Variants in SH3D19 observed in about 807,000 individuals in gnomAD.
SH3D19 encodes SH3 domain containing 19, also known as SH3 domain-containing protein 19.
Under a neutral mutation model 112.1 loss-of-function variants are expected in SH3D19, and 58 were observed. That is an observed-to-expected ratio of 0.52 (90% CI 0.42 to 0.64). SH3D19 has a LOEUF of 0.64. Ranked by LOEUF, SH3D19 falls within the 30% of genes least tolerant of loss-of-function variation. SH3D19 has a pLI of 0.00. For synonymous variants in SH3D19, 391 were observed against 448.5 expected (o/e 0.87, Z 1.62); for missense variants, 1,090 against 1,263.4 (o/e 0.86, Z 2.08).
chr4:151,278,943 C>G (rs1466481774), intron 1 of SH3D19: 3 of 201,390 alleles, frequency 1.5e-5, no homozygotes, highest in African/African-American at 7.0e-5. Flanking sequence ...AATCTTACCA[C>G]TTTCATTTGT....
intron 1 of SH3D19, among the ~76,000 whole-genome samples, chr4:151,230,096 G>C (rs867992443): frequency 8.5e-5 from 13 of 152,184 alleles, no homozygotes; most frequent in Admixed American, 5.2e-4. Flanking sequence ...TTCTGTGTAA[G>C]AACTCCAGAT....
At chr4:151,224,263 T>C (rs898510650) in intron 2 of SH3D19, among the ~76,000 whole-genome samples, 2 of 152,046 alleles carry the variant, frequency 1.3e-5, no homozygotes, top group Non-Finnish European at 2.9e-5. Context: ...GAGCCGAGAT[T>C]GTGCCACTGC....
intron 9 of SH3D19, among the ~76,000 whole-genome samples, chr4:151,152,997 G>A (rs1177858249): frequency 2.6e-5 from 4 of 151,578 alleles, no homozygotes; most frequent in South Asian, 2.1e-4. Context: ...CACCACACCC[G>A]GCTAATTTTT....
At chr4:151,211,645 A>G (rs1416637069) in intron 2 of SH3D19, among the ~76,000 whole-genome samples, 1 of 152,124 alleles carries the variant, frequency 6.6e-6, no homozygotes, top group Non-Finnish European at 1.5e-5. Flanking sequence ...GAATGATAAG[A>G]AAGTGAAACA....
chr4:151,224,785 G>A (rs772896025), intron 2 of SH3D19, among the ~76,000 whole-genome samples: 2 of 152,064 alleles, frequency 1.3e-5, no homozygotes, highest in African/African-American at 4.8e-5. Flanking sequence ...GGGCTCAAGC[G>A]ATCCTCCTGC....
chr4:151,291,723 T>C (rs1229671533), intron 1 of SH3D19, among the ~76,000 whole-genome samples: 1 of 152,190 alleles, frequency 6.6e-6, no homozygotes, highest in Admixed American at 6.5e-5. Context: ...TATGAATAAG[T>C]ATTTGTAGAC....
chr4:151,224,393 CT>C (rs1270338980), intron 2 of SH3D19, among the ~76,000 whole-genome samples: 2 of 151,980 alleles, frequency 1.3e-5, no homozygotes, highest in East Asian at 3.8e-4. Flanking sequence ...TCGGTGCAGA[CT>C]TTTTTGGGGG....
chr4:151,260,477 T>G (rs1772288585), intron 1 of SH3D19, among the ~76,000 whole-genome samples: 1 of 152,230 alleles, frequency 6.6e-6, no homozygotes, highest in South Asian at 2.1e-4. Flanking sequence ...ACCTTCCACA[T>G]GCAATGCATA....
chr4:151,126,064 A>T (rs1749248097), intron 19 of SH3D19, among the ~76,000 whole-genome samples: 1 of 152,132 alleles, frequency 6.6e-6, no homozygotes, highest in Non-Finnish European at 1.5e-5. Flanking sequence ...AAGGCTGCAC[A>T]TACCTGATTC....
At chr4:151,194,047 T>G (rs1182330706) in intron 2 of SH3D19, among the ~76,000 whole-genome samples, 2 of 119,504 alleles carry the variant, frequency 1.7e-5, no homozygotes, top group African/African-American at 6.0e-5. Flanking sequence ...TTTTTTTTTT[T>G]GGTCACTCAG....
chr4:151,266,493 T>C (rs773966179), intron 1 of SH3D19, among the ~76,000 whole-genome samples: 32 of 152,218 alleles, frequency 2.1e-4, no homozygotes, highest in Non-Finnish European at 3.5e-4. Flanking sequence ...ATTTAGTTGC[T>C]CGACTCATAT....
Position 151,137,725 on chromosome 4 carries a change from C to T in SH3D19, c.2427+7G>A. 6.3e-7 allele frequency: 1 copy of T among 1,583,368 alleles called. No individual in the cohort carries two copies. Among genetic ancestry groups the T allele is most frequent in the Non-Finnish European group, 8.6e-7 (1 of 1,167,508 alleles). ...TGACCAAATTAAAACAAACACAACC[C>T]ACTTACAATCACTTTGACATAGTTG... On this transcript the variant is annotated splice_region_variant and intron_variant, in intron 14 of 19. Transcript: ENST00000604030.
At chr4:151,278,502 GA>G (rs975921199) in intron 1 of SH3D19, among the ~76,000 whole-genome samples, 3 of 151,974 alleles carry the variant, frequency 2.0e-5, no homozygotes, top group Non-Finnish European at 4.4e-5. Context: ...TGAAAAGTAA[GA>G]AAAGTCTCTA....
intron 1 of SH3D19, among the ~76,000 whole-genome samples, chr4:151,317,100 A>G (rs79468174): frequency 0.01 from 1,594 of 152,308 alleles, 19 homozygotes; most frequent in Middle Eastern, 0.02. Flanking sequence ...TATGCTAGAC[A>G]ACTTATGCCA....
chr4:151,235,513 A>G, intron 1 of SH3D19, among the ~76,000 whole-genome samples: 1 of 152,220 alleles, frequency 6.6e-6, no homozygotes, highest in East Asian at 1.9e-4. Flanking sequence ...GGCCAGGTGC[A>G]GTGGCTCACA....
At chr4:151,306,913 C>T (rs978147068) in intron 1 of SH3D19, among the ~76,000 whole-genome samples, 10 of 152,078 alleles carry the variant, frequency 6.6e-5, no homozygotes, top group Non-Finnish European at 1.5e-4. Context: ...TAGATTCCTT[C>T]TCAAATATCT....
At chr4:151,166,021 G>C in intron 7 of SH3D19, 2 of 217,046 alleles carry the variant, frequency 9.2e-6, no homozygotes, top group Non-Finnish European at 1.8e-5. Context: ...CTGAGATGAG[G>C]AGACCATCTT....
intron 2 of SH3D19, among the ~76,000 whole-genome samples, chr4:151,222,409 T>A (rs1158621965): frequency 1.3e-5 from 2 of 152,220 alleles, no homozygotes; most frequent in Non-Finnish European, 2.9e-5. Flanking sequence ...TTGAGATTTA[T>A]TTGCAAACAT....
At chr4:151,302,191 T>C (rs1259645588) in intron 1 of SH3D19, among the ~76,000 whole-genome samples, 1 of 152,184 alleles carries the variant, frequency 6.6e-6, no homozygotes. Flanking sequence ...GTACATGCTT[T>C]GCTATCTTTT....
Sources: gnomAD v4.1 joint callset for allele counts (sites outside exome capture counted in the v4.1 genomes callset) on GRCh38, gnomAD v4.1.1 for gene constraint, MANE v1.5 for transcripts, NCBI Gene and HGNC (gene_info 2026-07-23, HGNC 2026-07-21) for gene names.